CD247: variants seen among roughly 807,000 people sequenced by gnomAD.
The protein encoded by CD247 is CD247 molecule.
CD247 carries 13 observed loss-of-function variants against 30.0 expected under a neutral mutation model. That is an observed-to-expected ratio of 0.43 (90% CI 0.28 to 0.69). CD247 has a LOEUF of 0.69. CD247 is among the 30% of genes least tolerant of loss of function. The probability of loss-of-function intolerance (pLI) is 0.16; values close to 1 mark genes in which losing one functional copy is unlikely to be tolerated. For missense variants in CD247, 193 were observed against 212.6 expected (o/e 0.91, Z 0.57); for synonymous variants, 72 against 80.0 (o/e 0.90, Z 0.53).
rs1238914017 is a variant in CD247 at position 167,430,994 on chromosome 1, G to C, written c.*687C>G. On this transcript the variant is annotated 3_prime_UTR_variant, in exon 8 of 8. Coordinates refer to ENST00000362089, the MANE Select transcript of CD247 (RefSeq NM_198053.3). ...CTTTGTGCACAGCTCATCAAGGTCA[G>C]TCTGTTCATCTTCTGGCCCCTGTAG... 2.5e-6 allele frequency: 1 copy of C among 402,466 alleles called. No homozygotes were observed. Among genetic ancestry groups the C allele is most frequent in the Non-Finnish European group, 4.4e-6 (1 of 228,358 alleles). The allele number at this position is 402,466 out of a possible 1,614,324, so 24.9% of individuals were successfully genotyped here.
chr1:167,491,717 C>A (rs760266996), intron 1 of CD247, among the ~76,000 whole-genome samples: 2 of 152,186 alleles, frequency 1.3e-5, no homozygotes, highest in African/African-American at 4.8e-5. Flanking sequence ...TGGACGCAAC[C>A]AAGCACTCAT....
chr1:167,444,703 C>T (rs150329257), intron 1 of CD247, among the ~76,000 whole-genome samples: 26 of 152,342 alleles, frequency 1.7e-4, no homozygotes, highest in African/African-American at 5.5e-4. Flanking sequence ...GGGGCCACAG[C>T]ATGTGAGAGG....
intron 1 of CD247, among the ~76,000 whole-genome samples, chr1:167,487,472 A>G (rs1194544502): frequency 3.9e-5 from 6 of 152,178 alleles, no homozygotes; most frequent in Admixed American, 2.6e-4. Context: ...GCATCCCTGG[A>G]CCCACACTGC....
At chr1:167,435,378 T>C in intron 5 of CD247, 21 bp downstream of exon 5, 1 of 1,596,512 alleles carries the variant, frequency 6.3e-7, no homozygotes, top group Non-Finnish European at 8.6e-7. Flanking sequence ...CAAGGTCAAA[T>C]GTGAGGTCTC....
intron 1 of CD247, among the ~76,000 whole-genome samples, chr1:167,454,750 A>T (rs1256307831): frequency 6.6e-6 from 1 of 152,246 alleles, no homozygotes; most frequent in Non-Finnish European, 1.5e-5. Flanking sequence ...CCACCGAATC[A>T]GTCCCACTGC....
rs533944855 is a variant in CD247, at chr1:167,453,497, T to G, written c.59-12730A>C. The stretch of plus-strand genomic sequence containing the variant: ...AAATTCCAGGCAGTATTTTGCCATT[T>G]CTCTGAGAATTTAATTTTTTCTGAG... On this transcript the variant is annotated intron_variant, in intron 1 of 7. Coordinates refer to ENST00000362089, the MANE Select transcript of CD247 (RefSeq NM_198053.3). Among the ~76,000 whole-genome samples the G allele has an allele frequency of 1.7e-4, 26 of 152,352 alleles. No individual in the cohort carries two copies. In the East Asian group the frequency reaches 4.8e-3, roughly 28 times the overall value.
chr1:167,485,647 G>T (rs1169606259), intron 1 of CD247, among the ~76,000 whole-genome samples: 1 of 152,124 alleles, frequency 6.6e-6, no homozygotes, highest in Admixed American at 6.5e-5. Context: ...CCCGTGGGGA[G>T]GGTATCCCGG....
intron 2 of CD247, chr1:167,440,313 C>CT (rs1651757653): frequency 2.8e-6 from 1 of 354,134 alleles, no homozygotes. Flanking sequence ...AAGAGAAAGG[C>CT]TAACATGGCC....
rs986257271 is a variant in CD247 at position 167,494,134 on chromosome 1, G to A, written c.58+24274C>T. ...CTAATAGGAGAAGAGGACAAGCAGG[G>A]GGACAGAACTGAGTCAGGAGACACT... On this transcript the variant is annotated intron_variant, in intron 1 of 7. Transcript: ENST00000362089. This position sits in a 1 kb window ranked among gnomAD's most constrained non-coding sequence, Gnocchi z 7.3. Among the ~76,000 whole-genome samples, 1 of 152,072 alleles carries A rather than the reference G, an allele frequency of 6.6e-6. No homozygotes were observed. The highest frequency in any genetic ancestry group is 2.4e-5 in the African/African-American group (1 of 41,372).
Position 167,439,413 on chromosome 1 carries a change from A to G in CD247, c.163-13T>C, listed in dbSNP as rs2101994297. ...CGCTCCTGCTGAACTGCAACACAGA[A>G]AGCAAAGCGCGTTACTGCTCCGCGA... On this transcript the variant is annotated splice_polypyrimidine_tract_variant and intron_variant, in intron 2 of 7. Transcript: ENST00000362089. 6.2e-7 allele frequency: 1 copy of G among 1,613,906 alleles called. No individual in the cohort carries two copies.
chr1:167,445,355 C>T lies in CD247; in HGVS notation c.59-4588G>A, dbSNP rs182349914. On this transcript the variant is annotated intron_variant, in intron 1 of 7. Transcript: ENST00000362089. ...ATGATTTCTACTTTAAGCCCATGCA[C>T]GATAAGTTGGAACCTTCCTGCCCTG... is the stretch of plus-strand genomic sequence containing the variant. 4.6e-4 allele frequency among the ~76,000 whole-genome samples: 70 copies of T among 152,204 alleles called. No homozygotes were observed. The South Asian group carries it at 0.012, about 26-fold the overall frequency.
At chr1:167,440,215 A>G (rs1192936169) in intron 2 of CD247, 4 of 244,766 alleles carry the variant, frequency 1.6e-5, no homozygotes, top group Admixed American at 1.0e-4. Context: ...GACCAGCCCC[A>G]CGAAGAAATC....
Position 167,430,655 on chromosome 1 carries a change from G to C in CD247, c.*1026C>G, listed in dbSNP as rs370714172. 27 of 398,500 alleles carry C rather than the reference G, an allele frequency of 6.8e-5. 1 individual carries two copies. Among genetic ancestry groups the C allele is most frequent in the African/African-American group, 1.4e-4 (7 of 48,618 alleles). The allele number at this position is 398,500 out of a possible 1,614,324, so 24.7% of individuals were successfully genotyped here. A position where few individuals can be genotyped will look rare whatever the true frequency, so the allele number is the denominator to read the frequency against. On this transcript the variant is annotated 3_prime_UTR_variant, in exon 8 of 8. Coordinates refer to ENST00000362089, the MANE Select transcript of CD247 (RefSeq NM_198053.3). ...TTAGTAAAGCTGCATTTTCACTGAA[G>C]CATTTATTATGCAAAATAGGAAGGC... is the stretch of plus-strand genomic sequence containing the variant.
Position 167,447,234 on chromosome 1 carries a change from C to T in CD247, c.59-6467G>A, listed in dbSNP as rs577988158. ...TTCTATTTTGCAGATAATGACGTTG[C>T]AGCTCCAATAGGTCACATGGCTAGA... On this transcript the variant is annotated intron_variant, in intron 1 of 7. Transcript: ENST00000362089. Among the ~76,000 whole-genome samples the T allele has an allele frequency of 2.0e-4, 30 of 152,258 alleles. No homozygotes were observed. In the East Asian group the frequency reaches 2.5e-3, roughly 13 times the overall value.
chr1:167,490,482 G>A (rs941940889), intron 1 of CD247, among the ~76,000 whole-genome samples: 3 of 152,060 alleles, frequency 2.0e-5, no homozygotes, highest in African/African-American at 7.3e-5. Context: ...AATTAGCTGG[G>A]CTTGGTGGCG....
chr1:167,497,916 G>A (rs1004391926), intron 1 of CD247, among the ~76,000 whole-genome samples: 2 of 152,168 alleles, frequency 1.3e-5, no homozygotes, highest in African/African-American at 4.8e-5. Context: ...TGATGCCCAA[G>A]GGAGAAGAAA....
chr1:167,475,132 G>A (rs1297297566), intron 1 of CD247, among the ~76,000 whole-genome samples: 1 of 152,044 alleles, frequency 6.6e-6, no homozygotes, highest in Non-Finnish European at 1.5e-5. Context: ...CTCACCCTTG[G>A]AGGATGCTAA....
At chr1:167,511,376 C>T (rs1655380437) in intron 1 of CD247, among the ~76,000 whole-genome samples, 1 of 152,140 alleles carries the variant, frequency 6.6e-6, no homozygotes, top group Admixed American at 6.5e-5. Context: ...GAGCGGTGTG[C>T]ATACCTGCAC....
chr1:167,476,387 G>T (rs1369118445), intron 1 of CD247, among the ~76,000 whole-genome samples: 1 of 152,148 alleles, frequency 6.6e-6, no homozygotes, highest in Admixed American at 6.5e-5. Context: ...GTCTTACTTA[G>T]CTGCATACTT....
Sources: gnomAD v4.1 joint callset for allele counts (sites outside exome capture counted in the v4.1 genomes callset) on GRCh38, gnomAD v4.1.1 for gene constraint, Gnocchi (gnomAD v3.1) non-coding constraint, MANE v1.5 for transcripts, NCBI Gene and HGNC (gene_info 2026-07-23, HGNC 2026-07-21) for gene names.